Variants in FAM184A observed in about 807,000 individuals in gnomAD.
The protein encoded by FAM184A is family with sequence similarity 184 member A.
Under a neutral mutation model 143.8 loss-of-function variants are expected in FAM184A, and 99 were observed. That is an observed-to-expected ratio of 0.69 (90% confidence interval 0.58 to 0.81). The LOEUF (loss-of-function observed/expected upper bound fraction) is 0.81, where lower values mean the gene tolerates loss of function less well. FAM184A is among the 40% of genes least tolerant of loss of function. The pLI is 0.00. For missense variants in FAM184A, 1,217 were observed against 1,310.5 expected (o/e 0.93, Z 1.10); for synonymous variants, 427 against 446.4 (o/e 0.96, Z 0.55).
intron 1 of FAM184A, among the ~76,000 whole-genome samples, chr6:119,101,901 C>CA (rs1788646733): frequency 6.6e-6 from 1 of 151,834 alleles, no homozygotes; most frequent in Non-Finnish European, 1.5e-5. Context: ...ACTAAAAATA[C>CA]AAAAATTAGC....
intron 1 of FAM184A, among the ~76,000 whole-genome samples, chr6:119,039,209 T>C (rs781138117): frequency 6.6e-5 from 10 of 152,226 alleles, no homozygotes; most frequent in Non-Finnish European, 1.3e-4. Context: ...TGTGAGAATA[T>C]TGTAGACATT....
intron 9 of FAM184A, among the ~76,000 whole-genome samples, chr6:118,990,044 G>T (rs192659560): frequency 6.6e-6 from 1 of 152,110 alleles, no homozygotes; most frequent in Non-Finnish European, 1.5e-5. Flanking sequence ...GGCCAGGATG[G>T]TCTCATCTTC....
chr6:119,136,151 GC>G (rs1190987079), intron 1 of FAM184A, among the ~76,000 whole-genome samples: 20 of 150,034 alleles, frequency 1.3e-4, no homozygotes, highest in African/African-American at 4.6e-4. Flanking sequence ...GGTGGCGGGC[GC>G]CTGTAGTCCC....
intron 1 of FAM184A, among the ~76,000 whole-genome samples, chr6:119,137,332 AGAG>A (rs1789699481): frequency 6.6e-6 from 1 of 152,008 alleles, no homozygotes; most frequent in Non-Finnish European, 1.5e-5. Context: ...GAGAGAGAGA[AGAG>A]AGATAAGAGA....
Position 119,003,560 on chromosome 6 carries a change from C to G in FAM184A, c.1878G>C (p.Glu626Asp), listed in dbSNP as rs755971925. The G allele has an allele frequency of 3.1e-6, 5 of 1,613,060 alleles. No individual in the cohort carries two copies. The highest frequency in any genetic ancestry group is 4.2e-6 in the Non-Finnish European group (5 of 1,179,516). Residue 626 changes from glutamate (E) to aspartate (D), a missense_variant, in exon 8 of 18, where the codon GAG (glutamate) becomes GAC (aspartate). Coordinates refer to ENST00000338891, the MANE Select transcript of FAM184A (RefSeq NM_024581.6). Reference sequence around the variant, plus strand: ...GGGCCATTTTGTCCACTTTGAGCTTCTCTTCTTCTTTCATGGCAGCAATTG... The same window carrying G: ...GGGCCATTTTGTCCACTTTGAGCTTGTCTTCTTCTTTCATGGCAGCAATTG... ...EETIAAMKEE[E>D]KLKVDKMAHD...
chr6:119,111,863 A>G (rs898815307), intron 1 of FAM184A, among the ~76,000 whole-genome samples: 1 of 152,214 alleles, frequency 6.6e-6, no homozygotes, highest in Non-Finnish European at 1.5e-5. Flanking sequence ...GAATATTTTC[A>G]TTAAAGAAAC....
At chr6:119,023,223 AT>A in intron 2 of FAM184A, 143 bp from the exon 3 acceptor site, 1 of 808,952 alleles carries the variant, frequency 1.2e-6, no homozygotes, top group Non-Finnish European at 1.9e-6. Context: ...AGTATTAGTG[AT>A]TTATAACTTG....
In FAM184A at chr6:118,966,552, TATTA is replaced by T. The variant is rs371643124; in HGVS notation, c.3033+279_3033+282del. ...CATACATACACACACTTCAATGGTA[TATTA>T]ATTGTATACTGGCAGTGACATATTA... On this transcript the variant is annotated intron_variant, in intron 15 of 17. Transcript: ENST00000338891. 6.0e-4 allele frequency among the ~76,000 whole-genome samples: 91 copies of T among 152,308 alleles called. No individual in the cohort carries two copies. In the East Asian group the frequency reaches 0.014, roughly 24 times the overall value.
chr6:118,969,192 G>A (rs1259037140), intron 14 of FAM184A, among the ~76,000 whole-genome samples: 1 of 152,112 alleles, frequency 6.6e-6, no homozygotes, highest in African/African-American at 2.4e-5. Flanking sequence ...CGCCATGATT[G>A]TAAGTTTCCT....
intron 1 of FAM184A, among the ~76,000 whole-genome samples, chr6:119,050,796 A>G (rs1255859278): frequency 3.3e-5 from 5 of 150,722 alleles, no homozygotes; most frequent in Non-Finnish European, 5.9e-5. Context: ...TGGGCGACAG[A>G]GCGAGACTCC....
intron 1 of FAM184A, among the ~76,000 whole-genome samples, chr6:119,129,694 G>A (rs1017054375): frequency 2.8e-5 from 4 of 144,510 alleles, no homozygotes; most frequent in Non-Finnish European, 6.1e-5. Flanking sequence ...GTGTTTTTTG[G>A]TTTCATTTTT....
Position 119,068,787 on chromosome 6 carries a change from G to A in FAM184A, c.159+9354C>T, listed in dbSNP as rs184979713. Among the ~76,000 whole-genome samples, 11 of 152,224 alleles carry A rather than the reference G, an allele frequency of 7.2e-5. No individual in the cohort carries two copies. The East Asian group carries it at 1.7e-3, about 24-fold the overall frequency. On this transcript the variant is annotated intron_variant, in intron 1 of 17. Transcript: ENST00000338891. Reference sequence around the variant, plus strand: ...CTCTACCCCCCAGCCAAATATATTAGAGATTTGTAACCAGAATATGTCAAC... The same window carrying A: ...CTCTACCCCCCAGCCAAATATATTAAAGATTTGTAACCAGAATATGTCAAC...
chr6:118,997,169 GGT>G (rs958937119), intron 9 of FAM184A, among the ~76,000 whole-genome samples: 1 of 151,360 alleles, frequency 6.6e-6, no homozygotes, highest in Non-Finnish European at 1.5e-5. Flanking sequence ...GGGAGGCAGA[GGT>G]GGACAGATCA....
intron 1 of FAM184A, among the ~76,000 whole-genome samples, chr6:119,132,161 A>G (rs902348250): frequency 6.6e-6 from 1 of 152,250 alleles, no homozygotes; most frequent in Non-Finnish European, 1.5e-5. Flanking sequence ...GAAATAACAA[A>G]TGCCAAATTC....
chr6:119,074,141 A>G (rs1787788826), intron 1 of FAM184A, among the ~76,000 whole-genome samples: 1 of 152,254 alleles, frequency 6.6e-6, no homozygotes, highest in Non-Finnish European at 1.5e-5. Context: ...CGGCTACAAA[A>G]GCACTGAAAC....
intron 1 of FAM184A, among the ~76,000 whole-genome samples, chr6:119,096,134 G>A (rs894305236): frequency 6.6e-6 from 1 of 152,048 alleles, no homozygotes; most frequent in African/African-American, 2.4e-5. Flanking sequence ...GGGTACCAGG[G>A]GAAAAAGGGT....
At chr6:118,976,150 G>A (rs1347758321) in intron 11 of FAM184A, 106 bp from the exon 12 acceptor site, 43 of 997,128 alleles carry the variant, frequency 4.3e-5, no homozygotes, top group Non-Finnish European at 6.0e-5. Flanking sequence ...TAGAACACTT[G>A]TGTATGTCCA....
At chr6:119,032,472 AGGGAGGGGGTGG>A (rs1785910524) in intron 1 of FAM184A, among the ~76,000 whole-genome samples, 1 of 59,036 alleles carries the variant, frequency 1.7e-5, no homozygotes. Context: ...CTTCCAGACC[AGGGAGGGGGTGG>A]GGGAGGGGGA....
At chr6:119,038,089 G>C (rs12204084) in intron 1 of FAM184A, among the ~76,000 whole-genome samples, 1 of 152,128 alleles carries the variant, frequency 6.6e-6, no homozygotes, top group East Asian at 1.9e-4. Flanking sequence ...GTGGGGAGCC[G>C]AGATAAGAGG....
Sources: gnomAD v4.1 joint callset for allele counts (sites outside exome capture counted in the v4.1 genomes callset) on GRCh38, gnomAD v4.1.1 for gene constraint, MANE v1.5 for transcripts, NCBI Gene and HGNC (gene_info 2026-07-23, HGNC 2026-07-21) for gene names.